The following PKD1 variants were observed in gnomAD, a reference collection of about 807,000 sequenced individuals.
PKD1 encodes polycystin-1.
A neutral mutation model predicts 361.7 loss-of-function variants in PKD1; 81 were observed. The ratio of observed to expected loss-of-function variants is 0.22; its 90% CI spans 0.19 to 0.27. The LOEUF (loss-of-function observed/expected upper bound fraction) is 0.27. Among genes scored for constraint, PKD1 ranks in the 10% least tolerant of loss-of-function variants. PKD1 has a pLI of 1.00. For synonymous variants in PKD1, 3,615 were observed against 2,818.3 expected, an observed-to-expected ratio of 1.28 and a Z score of -8.95; for missense variants, 6,399 against 6,118.3, an observed-to-expected ratio of 1.05 and a Z score of -1.53.
chr16:2,106,478 G>T lies in PKD1; in HGVS notation c.7409C>A (p.Pro2470Gln), dbSNP rs539143745. 4.3e-5 allele frequency: 69 copies of T among 1,589,964 alleles called. No individual in the cohort carries two copies. Among genetic ancestry groups the T allele is most frequent in the Non-Finnish European group, 5.4e-5 (64 of 1,175,182 alleles). ...CASIRLSPNR[P>Q]PLGGSCRLFP... ...GAGGCGGCAAGAGCCCCCCAGCGGC[G>T]GGCGGTTGGGGGACAGGCGGATGGA... is the stretch of plus-strand genomic sequence containing the variant. The change falls in exon 18 of 46, where the codon CCG becomes CAG. Residue 2470 changes from proline to glutamine, a missense_variant. Physicochemically the swap from Pro to Gln is moderately conservative, Grantham distance 76. Coordinates refer to ENST00000262304, the MANE Select transcript of PKD1 (RefSeq NM_001009944.3). This position sits in a 1 kb window ranked among gnomAD's most constrained non-coding sequence, Gnocchi z 6.5.
chr16:2,106,380 A>G lies in PKD1; in HGVS notation c.7489+18T>C, dbSNP rs1478468637. On this transcript the variant is annotated intron_variant, in intron 18 of 45. Coordinates refer to ENST00000262304, the MANE Select transcript of PKD1 (RefSeq NM_001009944.3). The surrounding 1 kb of genome is among the most constrained non-coding windows in gnomAD (Gnocchi z 6.5). ...GTCGGGGGATCCCGCTGCTCCCCCC[A>G]CGCAGGCCTGCACTCACCCGTGCAT... The G allele has an allele frequency of 6.3e-7, 1 of 1,593,856 alleles. No homozygotes were observed. The highest frequency in any genetic ancestry group is 1.8e-5 in the Admixed American group (1 of 57,026).
At position 2,112,961 on chromosome 16, in the gene PKD1, C is replaced by A; in HGVS notation, c.2988G>T (p.Leu996=). Residue 996 remains leucine, a splice_region_variant and synonymous_variant, in exon 13 of 46, where the codon CTG becomes CTT. Transcript: ENST00000262304. Reference sequence around the variant, plus strand: ...CGTTGCTCACGTGGTTGGAGGCCGTCAGCTGCAGGGACAGGCGTCAGTGAG... The same window carrying A: ...CGTTGCTCACGTGGTTGGAGGCCGTAAGCTGCAGGGACAGGCGTCAGTGAG... The part of the protein sequence containing the change: ...YQSAAVFKLS[L]TASNHVSNVT... The A allele has an allele frequency of 6.3e-7, 1 of 1,599,240 alleles. No homozygotes were observed. Among genetic ancestry groups the A allele is most frequent in the Non-Finnish European group, 8.5e-7 (1 of 1,179,632 alleles).
chr16:2,094,274 T>G, intron 34 of PKD1, 64 bp from the exon 35 acceptor site: 4 of 1,042,310 alleles, frequency 3.8e-6, no homozygotes, highest in Non-Finnish European at 6.0e-6. Context: ...GCCAAGCCCA[T>G]GTTAACCTGG....
In PKD1 at chr16:2,117,630, C is replaced by T. The variant is rs754645609; in HGVS notation, c.1244G>A (p.Gly415Asp). The T allele has an allele frequency of 1.9e-6, 3 of 1,610,678 alleles. No individual in the cohort carries two copies. The highest frequency in any genetic ancestry group is 2.2e-5 in the East Asian group (1 of 44,868). Residue 415 changes from glycine (G) to aspartate (D), a missense_variant, in exon 6 of 46, where the codon GGC becomes GAC. Transcript: ENST00000262304. ...CACCAGGCGGTAGCAGTGCCCGTTG[C>T]CAGGGAAGATCTCCGTGTCCGAGGG... Reference protein sequence around the residue: ...LCPSDTEIFPGNGHCYRLVVE... With the variant: ...LCPSDTEIFPDNGHCYRLVVE...
chr16:2,097,490 G>T lies in PKD1; in HGVS notation c.10234C>A (p.Pro3412Thr). ...LDDSKSLVCW[P>T]SGEGTLSWPD... ...CAACTGAGCGTTCCCTCGCCGGAGG[G>T]CCAGCACACCAGACTGCAGGTGGCG... Residue 3412 changes from proline (P) to threonine (T), a missense_variant, in exon 33 of 46, where the codon CCC becomes ACC. Transcript: ENST00000262304. The T allele has an allele frequency of 1.2e-6, 2 of 1,602,052 alleles. No individual in the cohort carries two copies. Among genetic ancestry groups the T allele is most frequent in the South Asian group, 1.1e-5 (1 of 91,014 alleles).
Position 2,090,812 on chromosome 16 carries a change from C to T in PKD1, c.12004-4G>A, listed in dbSNP as rs368567158. 3 of 1,612,262 alleles carry T rather than the reference C, an allele frequency of 1.9e-6. No homozygotes were observed. The highest frequency in any genetic ancestry group is 2.5e-6 in the Non-Finnish European group (3 of 1,179,944). On this transcript the variant is annotated splice_region_variant and splice_polypyrimidine_tract_variant and intron_variant, in intron 43 of 45. Transcript: ENST00000262304. ...CGAAGCGTAGCTGCTGGGCAGCCTG[C>T]GGACGAGAAATCTGTCTGCTTGCAG...
intron 11 of PKD1, 176 bp from the exon 12 acceptor site, chr16:2,113,468 G>A (rs1013246396): frequency 3.1e-5 from 22 of 709,544 alleles, no homozygotes; most frequent in African/African-American, 1.6e-4. Flanking sequence ...CTCACTGTCC[G>A]GCTCTCCAGC....
chr16:2,103,685 C>T lies in PKD1; in HGVS notation c.8372G>A (p.Arg2791Gln), dbSNP rs367746233. 8.4e-5 allele frequency: 136 copies of T among 1,609,934 alleles called. No homozygotes were observed. The highest frequency in any genetic ancestry group is 4.0e-4 in the South Asian group (36 of 90,962). ...IVAQGKRSDP[R>Q]SLLCYGGAPG... ...GGCGCCGCCATAGCACAGCAGGCTC[C>T]GCGGGTCCGAGCGCTTGCCCTGGGC... The change falls in exon 23 of 46, where the codon CGG becomes CAG. Residue 2791 changes from arginine (R) to glutamine (Q), a missense_variant. Physicochemically the swap from Arg to Gln is conservative, Grantham distance 43. Coordinates refer to ENST00000262304, the MANE Select transcript of PKD1 (RefSeq NM_001009944.3).
chr16:2,120,879 T>C (rs2151829634), intron 1 of PKD1, among the ~76,000 whole-genome samples: 1 of 152,052 alleles, frequency 6.6e-6, no homozygotes, highest in South Asian at 2.1e-4. Context: ...TAGCCGGGCA[T>C]GGCGGCGGGA....
intron 11 of PKD1, chr16:2,113,783 T>A: frequency 5.1e-6 from 2 of 392,474 alleles, no homozygotes; most frequent in Non-Finnish European, 9.6e-6. Flanking sequence ...GTACCCAGCA[T>A]GGTGGCACCG....
At position 2,116,768 on chromosome 16, in the gene PKD1, G is replaced by A. The variant is rs967331679; in HGVS notation, c.1606+65C>T. 1.0e-4 allele frequency: 112 copies of A among 1,102,426 alleles called. No homozygotes were observed. In the Middle Eastern group the frequency reaches 2.0e-3, roughly 19 times the overall value. 68.3% of individuals were successfully genotyped at this position (1,102,426 alleles called of 1,614,324 possible). ...CCTCCTCCTCAGCCCAGGCTCCACC[G>A]CGGGCGCTCGGCAGGCCCCTAACCA... On this transcript the variant is annotated intron_variant, in intron 7 of 45. Transcript: ENST00000262304.
At chr16:2,135,213 G>A (rs2092936395) in intron 1 of PKD1, 2 of 983,258 alleles carry the variant, frequency 2.0e-6, no homozygotes, top group African/African-American at 1.7e-5. Flanking sequence ...AGCTGAGCGC[G>A]GCCTCCGCGC....
chr16:2,114,432 C>T lies in PKD1; in HGVS notation c.2591G>A (p.Gly864Asp), dbSNP rs369956424. The T allele has an allele frequency of 2.9e-5, 47 of 1,600,894 alleles. No individual in the cohort carries two copies. In the African/African-American group the frequency reaches 4.1e-4, roughly 14 times the overall value. ...ATTCTCAAAGCGGGCGCTGACACTG[C>T]CCCCAGGCCAGCGAGCCGTGGCCGT... ...NATATARWPG[G>D]SVSARFENVC... The change falls in exon 11 of 46, where the codon GGC becomes GAC. Residue 864 changes from glycine (G) to aspartate (D), a missense_variant. Physicochemically the swap from Gly to Asp is moderately conservative, Grantham distance 94. Coordinates refer to ENST00000262304, the MANE Select transcript of PKD1 (RefSeq NM_001009944.3).
intron 16 of PKD1, 98 bp from the exon 17 acceptor site, chr16:2,107,046 C>T (rs1044319533): frequency 5.1e-6 from 6 of 1,185,090 alleles, no homozygotes; most frequent in Non-Finnish European, 6.1e-6. Flanking sequence ...CTCCAGGTTT[C>T]CCAGGGGCCT....
In PKD1 at chr16:2,111,587, T is replaced by C. The variant is rs780522659; in HGVS notation, c.3580A>G (p.Asn1194Asp). 44 of 1,574,562 alleles carry C rather than the reference T, an allele frequency of 2.8e-5. No individual in the cohort carries two copies. The highest frequency in any genetic ancestry group is 3.7e-5 in the Non-Finnish European group (43 of 1,161,234). The change falls in exon 15 of 46, where the codon AAC becomes GAC. Residue 1194 changes from asparagine (N) to aspartate (D), a missense_variant. By Grantham distance (23) the Asn-to-Asp change is conservative. Transcript: ENST00000262304. ...GCCGCCGCACCGCTCACCGTGTTGT[T>C]GACCTCCAGGCGCACGTGGTAGGTG... The part of the protein sequence containing the change: ...RGTYHVRLEV[N>D]NTVSGAAAQA...
In PKD1 at chr16:2,093,677, T is replaced by C. The variant is rs1277763853; in HGVS notation, c.10883A>G (p.Asp3628Gly). ...VAKRLHPDED[D>G]TLVESPAVTP... Reference sequence around the variant, plus strand: ...CACAGCCGGGCTCTCTACCAGGGTGTCATCTTCATCCGGGTGCAGCCGCTT... The same window carrying C: ...CACAGCCGGGCTCTCTACCAGGGTGCCATCTTCATCCGGGTGCAGCCGCTT... The change falls in exon 37 of 46, where the codon GAC (aspartate) becomes GGC (glycine). Residue 3628 changes from aspartate (D) to glycine (G), a missense_variant. Coordinates refer to ENST00000262304, the MANE Select transcript of PKD1 (RefSeq NM_001009944.3). 6.2e-7 allele frequency: 1 copy of C among 1,605,968 alleles called. No individual in the cohort carries two copies. The highest frequency in any genetic ancestry group is 1.7e-5 in the Admixed American group (1 of 59,454).
intron 1 of PKD1, chr16:2,131,954 C>T (rs1454693858): frequency 6.6e-6 from 1 of 151,980 alleles, no homozygotes. Context: ...GCCTTAAAGA[C>T]ACACATATAT....
Position 2,117,049 on chromosome 16 carries a change from G to A in PKD1, c.1390C>T (p.Leu464=), listed in dbSNP as rs535499800. The A allele has an allele frequency of 4.1e-5, 64 of 1,567,586 alleles. No homozygotes were observed. In the South Asian group the frequency reaches 5.7e-4, roughly 14 times the overall value. The change falls in exon 7 of 46, where the codon CTA becomes TTA. Residue 464 remains leucine, a synonymous_variant. Transcript: ENST00000262304. The stretch of plus-strand genomic sequence containing the variant: ...GTCGAGAAGCCGATCCACACGTCTA[G>A]GCTCCTGGGGGCGGGTGTGGGATGG... ...RFLVSRVTRS[L]DVWIGFSTVQ... is the part of the protein sequence containing the mutation.
chr16:2,113,308 T>C lies in PKD1; in HGVS notation c.2854-16A>G. On this transcript the variant is annotated splice_polypyrimidine_tract_variant and intron_variant, in intron 11 of 45. Transcript: ENST00000262304. ...GGCTGTACCTCTGCGGGGGGAATGG[T>C]GTCAGCCTGGGCTCTGTGGAGGACT... The C allele has an allele frequency of 6.3e-7, 1 of 1,595,364 alleles. No individual in the cohort carries two copies. Among genetic ancestry groups the C allele is most frequent in the Non-Finnish European group, 8.5e-7 (1 of 1,179,362 alleles).
Sources: gnomAD v4.1 joint callset for allele counts (sites outside exome capture counted in the v4.1 genomes callset) on GRCh38, gnomAD v4.1.1 for gene constraint, Gnocchi (gnomAD v3.1) non-coding constraint, MANE v1.5 for transcripts, NCBI Gene and HGNC (gene_info 2026-07-23, HGNC 2026-07-21) for gene names.